CPED1: variants seen among roughly 807,000 people sequenced by gnomAD.
The protein encoded by CPED1 is cadherin-like and PC-esterase domain-containing protein 1.
CPED1 carries 114 observed loss-of-function variants against 128.2 expected under a neutral mutation model. The observed-to-expected ratio is 0.89, with a 90% CI of 0.76 to 1.04. The LOEUF is 1.04. Ranked by LOEUF, CPED1 falls within the 50% of genes least tolerant of loss-of-function variation. The pLI, the probability that CPED1 is intolerant of heterozygous loss-of-function variation, is 0.00. For missense variants in CPED1, 1,211 were observed against 1,207.1 expected (o/e 1.00, Z -0.05); for synonymous variants, 462 against 426.7 (o/e 1.08, Z -1.02).
At chr7:121,132,630 A>G (rs1190863903) in intron 12 of CPED1, among the ~76,000 whole-genome samples, 2 of 152,088 alleles carry the variant, frequency 1.3e-5, no homozygotes, top group African/African-American at 4.8e-5. Flanking sequence ...ACCATGTGCT[A>G]ATTTTACCTT....
chr7:121,161,888 T>A (rs897789533), intron 16 of CPED1, among the ~76,000 whole-genome samples: 1 of 152,142 alleles, frequency 6.6e-6, no homozygotes, highest in African/African-American at 2.4e-5. Context: ...TCAAAAAAAA[T>A]AAAATTATTT....
intron 16 of CPED1, among the ~76,000 whole-genome samples, chr7:121,167,886 C>G (rs553515265): frequency 6.6e-6 from 1 of 152,010 alleles, no homozygotes; most frequent in African/African-American, 2.4e-5. Flanking sequence ...CGCCTGCCAC[C>G]ATGCCCGGCT....
At chr7:121,098,252 G>C (rs1356142466) in intron 6 of CPED1, among the ~76,000 whole-genome samples, 1 of 151,848 alleles carries the variant, frequency 6.6e-6, no homozygotes. Flanking sequence ...AGTTATCCAA[G>C]TTTTCTCCAG....
chr7:121,266,219 A>C lies in CPED1; in HGVS notation c.2311-8A>C, dbSNP rs763187954. The C allele has an allele frequency of 8.8e-6, 14 of 1,598,562 alleles. No individual in the cohort carries two copies. The highest frequency in any genetic ancestry group is 9.4e-6 in the Non-Finnish European group (11 of 1,166,496). ...CTTTTAAACAAATGCTTTCTCTTTA[A>C]CTTATAGATTCTGTTCATTGGAGAT... On this transcript the variant is annotated splice_polypyrimidine_tract_variant and splice_region_variant and intron_variant, in intron 18 of 22. Transcript: ENST00000310396.
At chr7:121,032,522 CG>C (rs939914001) in intron 3 of CPED1, among the ~76,000 whole-genome samples, 2 of 8,392 alleles carry the variant, frequency 2.4e-4, no homozygotes, top group Non-Finnish European at 4.7e-4. Context: ...CATCATACCG[CG>C]GGGGGGGCCT....
chr7:121,283,365 C>G (rs1253584484), intron 22 of CPED1, among the ~76,000 whole-genome samples: 2 of 152,176 alleles, frequency 1.3e-5, no homozygotes, highest in African/African-American at 4.8e-5. Context: ...ATTTTGCCAT[C>G]AAGTTCTAGA....
chr7:121,019,145 C>A (rs1176678362), intron 3 of CPED1, among the ~76,000 whole-genome samples: 1 of 151,940 alleles, frequency 6.6e-6, no homozygotes, highest in Non-Finnish European at 1.5e-5. Flanking sequence ...AGTTTCGAGT[C>A]CTACATTAGA....
At chr7:121,188,035 C>T (rs1452592695) in intron 16 of CPED1, among the ~76,000 whole-genome samples, 2 of 152,106 alleles carry the variant, frequency 1.3e-5, no homozygotes, top group East Asian at 1.9e-4. Context: ...ACACTGGATA[C>T]TTGCTTCTAT....
At chr7:121,010,936 A>G (rs776456156) in intron 2 of CPED1, among the ~76,000 whole-genome samples, 7 of 152,176 alleles carry the variant, frequency 4.6e-5, no homozygotes, top group Non-Finnish European at 1.0e-4. Context: ...CCTTCCATTT[A>G]CTTCTTACAT....
rs563876045 is a variant in CPED1, at chr7:121,223,487, G to T, written c.2056-13227G>T. Among the ~76,000 whole-genome samples the T allele has an allele frequency of 3.3e-5, 5 of 152,256 alleles. 1 individual carries two copies. The highest frequency in any genetic ancestry group is 1.2e-4 in the African/African-American group (5 of 41,552). ...CTGGCCTCATAAAATGAGTTAGGGAGGATTCTCTCTTTTTCTATTGATTGG... is the reference window on the plus strand; with the variant it reads ...CTGGCCTCATAAAATGAGTTAGGGATGATTCTCTCTTTTTCTATTGATTGG... On this transcript the variant is annotated intron_variant, in intron 16 of 22. Transcript: ENST00000310396.
At chr7:121,240,266 G>A (rs1042897604) in intron 17 of CPED1, among the ~76,000 whole-genome samples, 1 of 152,142 alleles carries the variant, frequency 6.6e-6, no homozygotes, top group African/African-American at 2.4e-5. Flanking sequence ...GGCAGCAAGT[G>A]GCCAAAGTGG....
intron 4 of CPED1, among the ~76,000 whole-genome samples, chr7:121,048,042 C>T (rs1038908354): frequency 1.3e-5 from 2 of 152,112 alleles, no homozygotes; most frequent in Admixed American, 6.6e-5. Flanking sequence ...TTTTGTGACT[C>T]CATGTACATT....
chr7:121,096,393 A>G (rs1033831627), intron 5 of CPED1, among the ~76,000 whole-genome samples: 2 of 152,160 alleles, frequency 1.3e-5, no homozygotes, highest in Non-Finnish European at 2.9e-5. Context: ...CTATTTTGAG[A>G]GCTAGATAAA....
chr7:121,024,175 G>A (rs1313473102), intron 3 of CPED1, among the ~76,000 whole-genome samples: 2 of 152,024 alleles, frequency 1.3e-5, no homozygotes, highest in African/African-American at 4.8e-5. Flanking sequence ...TCTTTAATTG[G>A]CTCACTGGAG....
chr7:121,047,098 G>C, intron 4 of CPED1, 105 bp downstream of exon 4: 1 of 659,834 alleles, frequency 1.5e-6, no homozygotes, highest in South Asian at 2.6e-5. Flanking sequence ...TAGAGTCATT[G>C]TATCTATGGA....
rs745544825 is a variant in CPED1 at position 121,140,814 on chromosome 7, G to GT, written c.1700-6dup. On this transcript the variant is annotated splice_polypyrimidine_tract_variant and intron_variant, in intron 14 of 22. Coordinates refer to ENST00000310396, the MANE Select transcript of CPED1 (RefSeq NM_024913.5). The stretch of plus-strand genomic sequence containing the variant: ...CACAGTTGTCTTTGTCATTGTTTTT[G>GT]TTTTTTTAACAGATGAAAACACACC... 19 of 1,590,106 alleles carry GT rather than the reference G, an allele frequency of 1.2e-5. No homozygotes were observed. The Admixed American group carries it at 1.4e-4, about 12-fold the overall frequency.
At chr7:121,250,200 A>T (rs1006610315) in intron 18 of CPED1, among the ~76,000 whole-genome samples, 1 of 152,248 alleles carries the variant, frequency 6.6e-6, no homozygotes, top group Non-Finnish European at 1.5e-5. Flanking sequence ...TGGAAACTGA[A>T]CAACCTGCTC....
At chr7:121,010,984 G>T (rs1385111693) in intron 2 of CPED1, among the ~76,000 whole-genome samples, 3 of 152,108 alleles carry the variant, frequency 2.0e-5, no homozygotes, top group African/African-American at 4.8e-5. Context: ...GTGGGGAAAA[G>T]AATCTGTATT....
chr7:121,243,507 T>G lies in CPED1; in HGVS notation c.2174-695T>G, dbSNP rs116455011. ...TAAAGCTTGGGACCTACTTTCTACC[T>G]GAACTCTGTTAGTAACAAAAGATGA... On this transcript the variant is annotated intron_variant, in intron 17 of 22. Coordinates refer to ENST00000310396, the MANE Select transcript of CPED1 (RefSeq NM_024913.5). Among the ~76,000 whole-genome samples the G allele has an allele frequency of 7.7e-3, 1,167 of 152,310 alleles. 12 individuals are homozygous for G. The highest frequency in any genetic ancestry group is 0.026 in the African/African-American group (1,070 of 41,582).
Sources: gnomAD v4.1 joint callset for allele counts (sites outside exome capture counted in the v4.1 genomes callset) on GRCh38, gnomAD v4.1.1 for gene constraint, MANE v1.5 for transcripts, NCBI Gene and HGNC (gene_info 2026-07-23, HGNC 2026-07-21) for gene names.